The following MYO6 variants were observed in gnomAD, a reference collection of about 807,000 sequenced individuals.
The protein encoded by MYO6 is unconventional myosin-VI.
Under a neutral mutation model 178.7 loss-of-function variants are expected in MYO6, and 74 were observed. That is an observed-to-expected ratio of 0.41 (90% confidence interval 0.34 to 0.50). MYO6 has a LOEUF of 0.50. Ranked by LOEUF, MYO6 falls within the 20% of genes least tolerant of loss-of-function variation. The pLI is 0.09. For synonymous variants in MYO6, 477 were observed against 504.6 expected (o/e 0.95, Z 0.73); for missense variants, 1,330 against 1,547.4 (o/e 0.86, Z 2.36).
At position 75,789,343 on chromosome 6, in the gene MYO6, G is replaced by A. The variant is rs1196438422; in HGVS notation, c.-47-28158G>A. On this transcript the variant is annotated intron_variant, in intron 1 of 34. Transcript: ENST00000369977. Reference sequence around the variant, plus strand: ...GAAAAAGTGCCTATTGGAGATACATGGTCTTTCATTTAATCCTCATAACAG... The same window carrying A: ...GAAAAAGTGCCTATTGGAGATACATAGTCTTTCATTTAATCCTCATAACAG... Among the ~76,000 whole-genome samples, 5 of 152,048 alleles carry A rather than the reference G, an allele frequency of 3.3e-5. No homozygotes were observed. The East Asian group carries it at 9.6e-4, about 29-fold the overall frequency.
intron 14 of MYO6, 30 bp from the exon 15 acceptor site, chr6:75,860,993 T>C: frequency 1.4e-6 from 2 of 1,442,740 alleles, no homozygotes; most frequent in African/African-American, 2.8e-5. Flanking sequence ...AGTATTGCTG[T>C]ATCTATGATT....
At chr6:75,804,953 G>GTACACATATATACACATATA (rs544883964) in intron 1 of MYO6, among the ~76,000 whole-genome samples, 1 of 125,300 alleles carries the variant, frequency 8.0e-6, no homozygotes, top group Non-Finnish European at 1.6e-5. Flanking sequence ...ATACACATAT[G>GTACACATATATACACATATA]TACACATATA....
chr6:75,905,277 T>G (rs932813622), intron 30 of MYO6, among the ~76,000 whole-genome samples: 1 of 152,208 alleles, frequency 6.6e-6, no homozygotes, highest in Non-Finnish European at 1.5e-5. Flanking sequence ...GCTGCTTTGT[T>G]TATCTAAGCA....
At chr6:75,779,121 G>C (rs957217331) in intron 1 of MYO6, among the ~76,000 whole-genome samples, 7 of 149,230 alleles carry the variant, frequency 4.7e-5, no homozygotes, top group African/African-American at 1.7e-4. Flanking sequence ...CTGGTCTCCA[G>C]CTCATGACCT....
chr6:75,881,702 A>G lies in MYO6; in HGVS notation c.2300A>G (p.Asp767Gly), dbSNP rs771661061. 3.1e-6 allele frequency: 5 copies of G among 1,613,796 alleles called. No individual in the cohort carries two copies. The South Asian group carries it at 5.5e-5, about 18-fold the overall frequency. Residue 767 changes from aspartate to glycine, a missense_variant, in exon 23 of 35, where the codon GAT becomes GGT. Physicochemically the swap from Asp to Gly is moderately conservative, Grantham distance 94. This residue lies in a region of MYO6 where 613 missense variants were observed against 816.8 expected (regional missense o/e 0.75). Transcript: ENST00000369977. ...FFRPGKFAEF[D>G]QIMKSDPDHL... ...TTCACTTCCTAGTTTGCAGAATTTG[A>G]TCAGATCATGAAGTCTGACCCTGAC...
At chr6:75,877,801 A>G (rs751220869) in intron 20 of MYO6, among the ~76,000 whole-genome samples, 13 of 152,116 alleles carry the variant, frequency 8.5e-5, no homozygotes, top group Non-Finnish European at 1.8e-4. Flanking sequence ...TTAAGCTTCA[A>G]AACATCTTAA....
intron 20 of MYO6, among the ~76,000 whole-genome samples, chr6:75,878,864 C>T (rs1228109860): frequency 1.3e-5 from 2 of 152,196 alleles, no homozygotes; most frequent in Non-Finnish European, 2.9e-5. Context: ...CAGCCTTTCC[C>T]TGCCTATCTC....
intron 30 of MYO6, among the ~76,000 whole-genome samples, chr6:75,903,794 A>T (rs1184343298): frequency 4.0e-5 from 6 of 151,472 alleles, no homozygotes; most frequent in African/African-American, 1.2e-4. Context: ...TGATTTTGCT[A>T]GTTAGTTGAT....
intron 11 of MYO6, among the ~76,000 whole-genome samples, chr6:75,849,275 G>A (rs771515450): frequency 2.0e-5 from 3 of 152,112 alleles, no homozygotes; most frequent in Non-Finnish European, 4.4e-5. Flanking sequence ...TATATGTCCT[G>A]CAAAGCCTAA....
At chr6:75,787,710 CTCTCTCTCTCTCTCTCTCTCTATATA>C (rs1424382235) in intron 1 of MYO6, among the ~76,000 whole-genome samples, 57 of 70,204 alleles carry the variant, frequency 8.1e-4, no homozygotes, top group Non-Finnish European at 1.2e-3. Context: ...CTCTCTCTCT[CTCTCTCTCTCTCTCTCTCTCTATATA>C]TATATATATA....
intron 1 of MYO6, among the ~76,000 whole-genome samples, chr6:75,802,514 C>T (rs1369935061): frequency 1.4e-5 from 2 of 147,058 alleles, no homozygotes; most frequent in African/African-American, 2.5e-5. Context: ...GACTGAGTCT[C>T]GCTCTGTCAC....
At chr6:75,792,837 G>T (rs1348636058) in intron 1 of MYO6, among the ~76,000 whole-genome samples, 1 of 152,090 alleles carries the variant, frequency 6.6e-6, no homozygotes, top group Non-Finnish European at 1.5e-5. Flanking sequence ...AGGCCAATGT[G>T]TGGTGGTGTG....
chr6:75,758,041 G>C (rs144713758), intron 1 of MYO6, among the ~76,000 whole-genome samples: 1 of 138,974 alleles, frequency 7.2e-6, no homozygotes, highest in South Asian at 2.4e-4. Flanking sequence ...GCAGTAGCGC[G>C]ATCTTGGCTC....
rs573770611 is a variant in MYO6 at position 75,830,425 on chromosome 6, G to A, written c.271G>A (p.Ala91Thr). Residue 91 changes from alanine (A) to threonine (T), a missense_variant, in exon 5 of 35, where the codon GCC (alanine) becomes ACC (threonine). Transcript: ENST00000369977. Reference sequence around the variant, plus strand: ...TGCTTTTCGTATTTAGACATATGTCGCCAACATTCTGATTGCAGTGAATCC... The same window carrying A: ...TGCTTTTCGTATTTAGACATATGTCACCAACATTCTGATTGCAGTGAATCC... ...YSKDRIYTYV[A>T]NILIAVNPYF... 98 of 1,610,376 alleles carry A rather than the reference G, an allele frequency of 6.1e-5. No homozygotes were observed. In the Middle Eastern group the frequency reaches 1.5e-3, roughly 24 times the overall value.
intron 2 of MYO6, among the ~76,000 whole-genome samples, chr6:75,822,393 C>CTTAAAAGTAACCTTAAAAAA (rs1042960714): frequency 3.3e-5 from 5 of 152,072 alleles, no homozygotes; most frequent in African/African-American, 1.2e-4. Flanking sequence ...CCACTGTGCC[C>CTTAAAAGTAACCTTAAAAAA]GGTTACTTTT....
At chr6:75,844,227 G>A (rs1041846647) in intron 9 of MYO6, among the ~76,000 whole-genome samples, 1 of 152,126 alleles carries the variant, frequency 6.6e-6, no homozygotes, top group Non-Finnish European at 1.5e-5. Flanking sequence ...GTTGATACCA[G>A]TAGATTTTCT....
At position 75,881,597 on chromosome 6, in the gene MYO6, G is replaced by A. The variant is rs1583350333; in HGVS notation, c.2287-92G>A. The A allele has an allele frequency of 1.0e-5, 13 of 1,297,666 alleles. No homozygotes were observed. The East Asian group carries it at 2.7e-4, about 27-fold the overall frequency. The allele number at this position is 1,297,666 out of a possible 1,614,324, so 80.4% of individuals were successfully genotyped here. The stretch of plus-strand genomic sequence containing the variant: ...ACATGTGACCATTTTCAGACAGTTA[G>A]ATTTTGGATTTGAATTCTGTTTACA... On this transcript the variant is annotated intron_variant, in intron 22 of 34. Coordinates refer to ENST00000369977, the MANE Select transcript of MYO6 (RefSeq NM_004999.4).
chr6:75,826,827 C>T (rs551280018), intron 3 of MYO6, among the ~76,000 whole-genome samples: 2 of 151,938 alleles, frequency 1.3e-5, no homozygotes, highest in Non-Finnish European at 2.9e-5. Context: ...GCAGGAGAAT[C>T]GCTTGAACCC....
chr6:75,799,005 A>G (rs1457988738), intron 1 of MYO6, among the ~76,000 whole-genome samples: 2 of 152,224 alleles, frequency 1.3e-5, no homozygotes, highest in Admixed American at 1.3e-4. Context: ...CCCGTTTACA[A>G]CAGCCACATA....
Sources: allele counts gnomAD v4.1 joint callset (sites outside exome capture counted in the v4.1 genomes callset), GRCh38; gene constraint gnomAD v4.1.1; regional missense constraint gnomAD v4.1.1; transcripts MANE v1.5; gene names NCBI Gene and HGNC (gene_info 2026-07-23, HGNC 2026-07-21).